LRRC49: variants seen among roughly 807,000 people sequenced by gnomAD.
LRRC49 encodes the protein leucine rich repeat containing 49, also known as leucine-rich repeat-containing protein 49.
In LRRC49, 50 loss-of-function variants were observed where a neutral mutation model predicts 83.3. That is an observed-to-expected ratio of 0.60 (90% confidence interval 0.48 to 0.76). The LOEUF (loss-of-function observed/expected upper bound fraction) is 0.76. Among genes scored for constraint, LRRC49 ranks in the 30% least tolerant of loss-of-function variants. The pLI, the probability that LRRC49 is intolerant of heterozygous loss-of-function variation, is 0.00. For missense variants in LRRC49, 704 were observed against 809.1 expected (o/e 0.87, Z 1.58); for synonymous variants, 286 against 283.3 (o/e 1.01, Z -0.10).
chr15:70,975,746 C>T lies in LRRC49; in HGVS notation c.922-4355C>T, dbSNP rs529828804. ...CAAACAATGTCTAAAGTTTTCACCT[C>T]AAGCTCACATTTAATTGGCTTAGTG... On this transcript the variant is annotated intron_variant, in intron 9 of 15. Coordinates refer to ENST00000260382, the MANE Select transcript of LRRC49 (RefSeq NM_017691.5). 3.3e-5 allele frequency among the ~76,000 whole-genome samples: 5 copies of T among 152,028 alleles called. No homozygotes were observed. In the South Asian group the frequency reaches 8.3e-4, roughly 25 times the overall value.
At chr15:70,943,973 C>T (rs986298866) in intron 8 of LRRC49, among the ~76,000 whole-genome samples, 1 of 152,184 alleles carries the variant, frequency 6.6e-6, no homozygotes, top group Non-Finnish European at 1.5e-5. Flanking sequence ...TACTGTAACA[C>T]ATCCATATTT....
chr15:70,872,116 G>C (rs1182372914), intron 1 of LRRC49, among the ~76,000 whole-genome samples: 1 of 152,240 alleles, frequency 6.6e-6, no homozygotes, highest in African/African-American at 2.4e-5. Context: ...ATTGAGCACT[G>C]AGTGAGCAAG....
intron 10 of LRRC49, among the ~76,000 whole-genome samples, chr15:70,982,382 A>C (rs2037435928): frequency 6.6e-6 from 1 of 152,186 alleles, no homozygotes; most frequent in Admixed American, 6.6e-5. Context: ...GGGTTGGCAT[A>C]GTCATCAGCA....
upstream of LRRC49, chr15:70,892,466 T>C: frequency 6.6e-7 from 1 of 1,526,548 alleles, no homozygotes; most frequent in African/African-American, 1.4e-5. Context: ...TTTGATATCT[T>C]CCTCCTCCTC....
At chr15:70,892,203 G>A, upstream of LRRC49, 1 of 1,605,466 alleles carries the variant, frequency 6.2e-7, no homozygotes, top group Non-Finnish European at 8.5e-7. Flanking sequence ...CGGTCCTTGG[G>A]AAAGCGGAAC....
At chr15:70,943,739 T>A (rs1337161868) in intron 8 of LRRC49, among the ~76,000 whole-genome samples, 1 of 152,202 alleles carries the variant, frequency 6.6e-6, no homozygotes, top group Non-Finnish European at 1.5e-5. Context: ...CCAACTCCAG[T>A]GTGAAGCCAC....
chr15:70,956,056 T>C (rs1396481293), intron 8 of LRRC49, among the ~76,000 whole-genome samples: 2 of 152,214 alleles, frequency 1.3e-5, no homozygotes. Context: ...GAGATCATGG[T>C]ACCTTGCTGG....
chr15:70,889,109 C>T (rs1448148875), upstream of LRRC49, among the ~76,000 whole-genome samples: 1 of 152,098 alleles, frequency 6.6e-6, no homozygotes, highest in African/African-American at 2.4e-5. Flanking sequence ...GAAATGTGTG[C>T]ACACGTGGAC....
At chr15:70,974,168 A>G (rs2037119958) in intron 9 of LRRC49, among the ~76,000 whole-genome samples, 1 of 152,140 alleles carries the variant, frequency 6.6e-6, no homozygotes, top group Non-Finnish European at 1.5e-5. Context: ...ATGGTTTGTG[A>G]GTACTTAGGA....
chr15:71,017,818 A>G (rs1191306466), intron 14 of LRRC49, among the ~76,000 whole-genome samples: 1 of 152,184 alleles, frequency 6.6e-6, no homozygotes, highest in Non-Finnish European at 1.5e-5. Context: ...TAAAGCATAC[A>G]TATATTTGAA....
At chr15:70,892,060 C>T (rs1221574515), upstream of LRRC49, 7 of 1,613,842 alleles carry the variant, frequency 4.3e-6, no homozygotes, top group Non-Finnish European at 5.9e-6. Flanking sequence ...AGCGCAGGTT[C>T]TTCTGGATAA....
At chr15:70,934,209 CTTCTGTA>C (rs2035519028) in intron 7 of LRRC49, among the ~76,000 whole-genome samples, 1 of 152,134 alleles carries the variant, frequency 6.6e-6, no homozygotes, top group African/African-American at 2.4e-5. Context: ...ACAGGTCTTT[CTTCTGTA>C]AATAATGCAT....
chr15:70,883,242 A>G (rs2033313226), intron 2 of LRRC49, among the ~76,000 whole-genome samples: 1 of 151,416 alleles, frequency 6.6e-6, no homozygotes, highest in Non-Finnish European at 1.5e-5. Flanking sequence ...CCCAAGCTGG[A>G]GCGCAATGGT....
chr15:70,891,569 G>GTA (rs1352141912), upstream of LRRC49, among the ~76,000 whole-genome samples: 1 of 13,776 alleles, frequency 7.3e-5, no homozygotes, highest in Non-Finnish European at 1.3e-4. Context: ...ACAAGACTCT[G>GTA]TGTGTGTGTG....
chr15:71,012,409 T>A (rs1203545354), intron 13 of LRRC49, among the ~76,000 whole-genome samples: 1 of 152,114 alleles, frequency 6.6e-6, no homozygotes, highest in East Asian at 1.9e-4. Flanking sequence ...TGGCTTACCT[T>A]TGACACATTA....
At chr15:70,937,299 A>G (rs775285781) in intron 8 of LRRC49, among the ~76,000 whole-genome samples, 60 of 152,212 alleles carry the variant, frequency 3.9e-4, no homozygotes, top group Non-Finnish European at 7.8e-4. Context: ...CTGCTAAGAG[A>G]CAGTGGATTA....
chr15:71,042,975 C>T (rs978782833), intron 15 of LRRC49, among the ~76,000 whole-genome samples: 1 of 152,164 alleles, frequency 6.6e-6, no homozygotes, highest in African/African-American at 2.4e-5. Flanking sequence ...TTCTTGACCA[C>T]CCTAGTGCAA....
chr15:70,908,887 G>T (rs1197325457), intron 5 of LRRC49, among the ~76,000 whole-genome samples: 2 of 152,182 alleles, frequency 1.3e-5, no homozygotes, highest in Non-Finnish European at 2.9e-5. Context: ...CTCATAGTTA[G>T]CTTGGCCTAT....
intron 11 of LRRC49, among the ~76,000 whole-genome samples, chr15:71,002,146 C>T (rs1304778990): frequency 6.6e-6 from 1 of 152,090 alleles, no homozygotes. Context: ...ACATAAAAAG[C>T]TAGTCAGAGG....
Sources: allele counts gnomAD v4.1 joint callset (sites outside exome capture counted in the v4.1 genomes callset), GRCh38; gene constraint gnomAD v4.1.1; transcripts MANE v1.5; gene names NCBI Gene and HGNC (gene_info 2026-07-23, HGNC 2026-07-21).